DNAJC9: variants seen among roughly 807,000 people sequenced by gnomAD.
DNAJC9 encodes DnaJ heat shock protein family (Hsp40) member C9.
DNAJC9 carries 18 observed loss-of-function variants against 32.4 expected under a neutral mutation model. The observed-to-expected ratio is 0.56, with a 90% CI of 0.38 to 0.82. The LOEUF (loss-of-function observed/expected upper bound fraction) is 0.82, where lower values mean the gene tolerates loss of function less well. Among genes scored for constraint, DNAJC9 ranks in the 40% least tolerant of loss-of-function variants. The probability of loss-of-function intolerance (pLI) is 0.00; values close to 1 mark genes in which losing one functional copy is unlikely to be tolerated. For missense variants in DNAJC9, 310 were observed against 321.8 expected (o/e 0.96, Z 0.28); for synonymous variants, 113 against 122.1 (o/e 0.93, Z 0.49).
intron 3 of DNAJC9, chr10:73,244,593 C>G (rs149173939): frequency 2.0e-5 from 3 of 150,114 alleles, no homozygotes; most frequent in Non-Finnish European, 4.4e-5. Context: ...CTCCATGGGA[C>G]TGGTGGTGCC....
In DNAJC9 at chr10:73,233,066, C is replaced by T. The variant is rs372801139; in HGVS notation, n.147+10777G>A. The T allele has an allele frequency of 5.2e-5, 80 of 1,551,474 alleles. No individual in the cohort carries two copies. In the African/African-American group the frequency reaches 6.7e-4, roughly 13 times the overall value. On this transcript the variant is annotated intron_variant and non_coding_transcript_variant, in intron 2 of 2. Coordinates refer to the DNAJC9 transcript ENST00000469143. ...ATACACAGTGCAGTCCACCAGGAGACGCAATCCACCACCACGAACTCTTCA... is the reference window on the plus strand; with the variant it reads ...ATACACAGTGCAGTCCACCAGGAGATGCAATCCACCACCACGAACTCTTCA...
Position 73,246,754 on chromosome 10 carries a change from G to A in DNAJC9, c.255C>T (p.Asp85=), listed in dbSNP as rs749334846. Residue 85 remains aspartate, a synonymous_variant, in exon 2 of 5, where the codon GAC becomes GAT. Transcript: ENST00000372950. ...RAVYDEQGTV[D]EDSPVLTQDR... ...CTTGGGTGAGCACAGGAGAGTCCTC[G>A]TCCACTGTTCCCTGCTCATCGTACA... 5.6e-6 allele frequency: 9 copies of A among 1,613,952 alleles called. No homozygotes were observed. The highest frequency in any genetic ancestry group is 4.4e-5 in the South Asian group (4 of 91,078).
At chr10:73,234,788 A>G (rs2043784129), downstream of DNAJC9, 1 of 1,549,770 alleles carries the variant, frequency 6.5e-7, no homozygotes, top group Non-Finnish European at 8.7e-7. Context: ...ATGCTTTCAT[A>G]CCTTCGTGTT....
In DNAJC9 at chr10:73,247,026, G is replaced by A; in HGVS notation, c.164C>T (p.Ala55Val). The A allele has an allele frequency of 6.6e-7, 1 of 1,523,692 alleles. No individual in the cohort carries two copies. The highest frequency in any genetic ancestry group is 8.8e-7 in the Non-Finnish European group (1 of 1,132,620). 94.4% of individuals were successfully genotyped at this position (1,523,692 alleles called of 1,614,324 possible). ...CCTGCATACCTGGAAGCGGCGGGTG[G>A]CGTCCTCCTTGTCGCCCTCACCCAC... ...DRVGEGDKED[A>V]TRRFQILGKV... Residue 55 changes from alanine to valine, a missense_variant, in exon 1 of 5, where the codon GCC becomes GTC. By Grantham distance (64) the Ala-to-Val change is moderately conservative. Coordinates refer to ENST00000372950, the MANE Select transcript of DNAJC9 (RefSeq NM_015190.5).
downstream of DNAJC9, chr10:73,235,388 G>A: frequency 6.5e-7 from 1 of 1,539,502 alleles, no homozygotes; most frequent in Admixed American, 2.0e-5. Flanking sequence ...ATAATAGTTT[G>A]GCAGACTTAA....
rs1659067006 is a variant in DNAJC9 at position 73,243,934 on chromosome 10, A to T, written c.577-5T>A. 14 of 1,613,618 alleles carry T rather than the reference A, an allele frequency of 8.7e-6. No homozygotes were observed. The highest frequency in any genetic ancestry group is 1.2e-5 in the Non-Finnish European group (14 of 1,179,784). On this transcript the variant is annotated splice_region_variant and splice_polypyrimidine_tract_variant and intron_variant, in intron 3 of 4. Transcript: ENST00000372950. ...TTCTTTGGCCTCTTCCTGAGCCTGA[A>T]ACAGGAACTCACATGAGACTCAGGG...
At chr10:73,234,945 G>A (rs2043789416), downstream of DNAJC9, 1 of 1,551,678 alleles carries the variant, frequency 6.4e-7, no homozygotes, top group African/African-American at 1.4e-5. Flanking sequence ...CAGATGGTAT[G>A]TTTCTTTCAT....
intron 2 of DNAJC9, 66 bp from the exon 3 acceptor site, chr10:73,246,242 A>G (rs990613938): frequency 7.1e-6 from 11 of 1,542,114 alleles, no homozygotes; most frequent in Non-Finnish European, 9.6e-6. Context: ...ACGTTAGTAA[A>G]ACTAGAGTTG....
At chr10:73,239,179 C>T, downstream of DNAJC9, 1 of 669,494 alleles carries the variant, frequency 1.5e-6, no homozygotes, top group Admixed American at 2.4e-5. Flanking sequence ...GTGCACTCAG[C>T]TGACTTTTCC....
chr10:73,240,861 G>T, downstream of DNAJC9: 1 of 783,620 alleles, frequency 1.3e-6, no homozygotes, highest in Non-Finnish European at 2.2e-6. Context: ...ATTCATAATT[G>T]GAGCAAAAAA....
chr10:73,243,808 T>G, intron 4 of DNAJC9, 35 bp downstream of exon 4: 1 of 1,555,822 alleles, frequency 6.4e-7, no homozygotes, highest in Non-Finnish European at 8.8e-7. Flanking sequence ...AGGAATCAGA[T>G]CATTAAAGAT....
Position 73,247,117 on chromosome 10 carries a change from C to A in DNAJC9, c.73G>T (p.Glu25Ter). 1 of 1,595,362 alleles carries A rather than the reference C, an allele frequency of 6.3e-7. No homozygotes were observed. The highest frequency in any genetic ancestry group is 8.5e-7 in the Non-Finnish European group (1 of 1,171,914). ...DLYRVLGVRR[E>*]ASDGEVRRGY... is the part of the protein sequence containing the mutation. The stretch of plus-strand genomic sequence containing the variant: ...CGTCGGACCTCGCCGTCGGAGGCCT[C>A]GCGTCGCACGCCCAGCACCCGGTAA... The change falls in exon 1 of 5, where the codon GAG becomes TAG. Residue 25 changes from glutamate to a stop codon, truncating the protein, a stop_gained. Coordinates refer to ENST00000372950, the MANE Select transcript of DNAJC9 (RefSeq NM_015190.5). LOFTEE classifies it high-confidence loss of function.
chr10:73,234,880 A>G (rs1174096872), downstream of DNAJC9: 7 of 1,551,732 alleles, frequency 4.5e-6, no homozygotes, highest in African/African-American at 1.4e-5. Flanking sequence ...ATAATCTGCT[A>G]CCACCTATTG....
At chr10:73,236,251 TCA>T (rs1238257801), downstream of DNAJC9, among the ~76,000 whole-genome samples, 3 of 152,262 alleles carry the variant, frequency 2.0e-5, no homozygotes, top group African/African-American at 7.2e-5. Flanking sequence ...AATTTTTTCC[TCA>T]CAGTTCCAGA....
At position 73,246,136 on chromosome 10, in the gene DNAJC9, T is replaced by C. The variant is rs199733532; in HGVS notation, c.362A>G (p.Lys121Arg). ...EDIQAFEKTY[K>R]GSEEELADIK... ...ATCAGCCAGCTCTTCTTCCGAACCT[T>C]TGTATGTCTTTTCAAAAGCTTGAAT... Residue 121 changes from lysine to arginine, a missense_variant, in exon 3 of 5, where the codon AAA becomes AGA. Coordinates refer to ENST00000372950, the MANE Select transcript of DNAJC9 (RefSeq NM_015190.5). 2.8e-4 allele frequency: 458 copies of C among 1,613,204 alleles called. 1 individual carries two copies. The highest frequency in any genetic ancestry group is 3.7e-4 in the Non-Finnish European group (442 of 1,179,826).
At chr10:73,233,763 AGAACCTATT>A (rs1217459628), downstream of DNAJC9, among the ~76,000 whole-genome samples, 1 of 152,264 alleles carries the variant, frequency 6.6e-6, no homozygotes, top group Non-Finnish European at 1.5e-5. Context: ...AAAGGAATAA[AGAACCTATT>A]TATTTAATCA....
downstream of DNAJC9, chr10:73,235,058 C>T (rs562279953): frequency 1.1e-4 from 155 of 1,459,794 alleles, 1 homozygote; most frequent in South Asian, 2.0e-3. Context: ...AGTACAAACA[C>T]AGTGCTAATT....
chr10:73,241,514 CT>C (rs992173535), downstream of DNAJC9: 2 of 165,148 alleles, frequency 1.2e-5, no homozygotes, highest in African/African-American at 4.8e-5. Context: ...CTAAAACTCT[CT>C]TTAGATGTCC....
Position 73,246,033 on chromosome 10 carries a change from C to G in DNAJC9, c.465G>C (p.Glu155Asp), listed in dbSNP as rs752174379. Reference protein sequence around the residue: ...MESVLCVQYTEEPRIRNIIQQ... With the variant: ...MESVLCVQYTDEPRIRNIIQQ... The stretch of plus-strand genomic sequence containing the variant: ...GAATGATATTCCTTATCCTGGGTTC[C>G]TCTGTGTACTGCACGCAAAGCACAG... The change falls in exon 3 of 5, where the codon GAG becomes GAC. Residue 155 changes from glutamate to aspartate, a missense_variant. Coordinates refer to ENST00000372950, the MANE Select transcript of DNAJC9 (RefSeq NM_015190.5). 8.1e-6 allele frequency: 13 copies of G among 1,613,672 alleles called. No individual in the cohort carries two copies. The highest frequency in any genetic ancestry group is 6.6e-5 in the South Asian group (6 of 91,066).
Sources: gnomAD v4.1 joint callset for allele counts (sites outside exome capture counted in the v4.1 genomes callset) on GRCh38, gnomAD v4.1.1 for gene constraint, MANE v1.5 for transcripts, NCBI Gene and HGNC (gene_info 2026-07-23, HGNC 2026-07-21) for gene names.